KSR2: variants seen among roughly 807,000 people sequenced by gnomAD.
KSR2 encodes kinase suppressor of ras 2.
KSR2 carries 25 observed loss-of-function variants against 107.8 expected under a neutral mutation model. The observed-to-expected ratio is 0.23, with a 90% CI of 0.17 to 0.32. KSR2 has a LOEUF of 0.32. Among genes scored for constraint, KSR2 ranks in the 10% least tolerant of loss-of-function variants. The pLI is 1.00. For synonymous variants in KSR2, 480 were observed against 507.0 expected, an observed-to-expected ratio of 0.95 and a Z score of 0.71; for missense variants, 887 against 1,268.9, an observed-to-expected ratio of 0.70 and a Z score of 4.57.
intron 16 of KSR2, among the ~76,000 whole-genome samples, chr12:117,481,744 C>A (rs1872188877): frequency 6.6e-6 from 1 of 152,204 alleles, no homozygotes; most frequent in South Asian, 2.1e-4. Flanking sequence ...CTGCTTCCTG[C>A]AAAGCCCAAA....
chr12:117,738,661 G>C (rs530208800), intron 4 of KSR2, among the ~76,000 whole-genome samples: 144 of 151,990 alleles, frequency 9.5e-4, no homozygotes, highest in African/African-American at 3.3e-3. Context: ...GATTACTTGA[G>C]GTCAGGAGTT....
At chr12:117,592,974 A>AC (rs925449464) in intron 5 of KSR2, among the ~76,000 whole-genome samples, 4 of 152,006 alleles carry the variant, frequency 2.6e-5, no homozygotes, top group African/African-American at 9.6e-5. Context: ...TCCTGGCCCC[A>AC]CCCCCAAACC....
At chr12:117,634,898 T>C (rs1423032861) in intron 5 of KSR2, among the ~76,000 whole-genome samples, 1 of 152,158 alleles carries the variant, frequency 6.6e-6, no homozygotes, top group African/African-American at 2.4e-5. Context: ...AGAGAAGTTA[T>C]CCAGCCTAAG....
chr12:117,579,339 C>G, intron 6 of KSR2, 137 bp from the exon 7 acceptor site: 1 of 695,818 alleles, frequency 1.4e-6, no homozygotes, highest in South Asian at 1.6e-5. Flanking sequence ...GTGACTTAAT[C>G]AAGTTGCTTA....
chr12:117,507,096 C>T (rs1873742661), intron 14 of KSR2, among the ~76,000 whole-genome samples: 1 of 152,182 alleles, frequency 6.6e-6, no homozygotes, highest in African/African-American at 2.4e-5. Flanking sequence ...ACACTATTTG[C>T]CCCTCACATC....
intron 4 of KSR2, among the ~76,000 whole-genome samples, chr12:117,684,956 A>G (rs1388997333): frequency 1.3e-5 from 2 of 152,182 alleles, no homozygotes; most frequent in Non-Finnish European, 2.9e-5. Context: ...ACAGGTTGTC[A>G]ATTTCAGGGT....
intron 3 of KSR2, among the ~76,000 whole-genome samples, chr12:117,773,241 T>C (rs7972142): frequency 0.56 from 85,454 of 152,014 alleles, 25,352 homozygotes; most frequent in East Asian, 0.76. Flanking sequence ...TCTTGTCATC[T>C]GTTTCTGGCA....
intron 5 of KSR2, among the ~76,000 whole-genome samples, chr12:117,633,470 CT>C (rs1882904900): frequency 6.6e-6 from 1 of 152,196 alleles, no homozygotes; most frequent in Admixed American, 6.5e-5. Flanking sequence ...AACCGTGTGC[CT>C]TAAAACAACA....
At position 117,453,050 on chromosome 12, in the gene KSR2, G is replaced by A. The variant is rs1870415551; in HGVS notation, c.*14149C>T. On this transcript the variant is annotated 3_prime_UTR_variant, in exon 20 of 20. Coordinates refer to ENST00000339824, the MANE Select transcript of KSR2 (RefSeq NM_173598.6). ...AGACCTGTCTTGGCAGTAGTGCAAT[G>A]CAGTAATTCTCAAATTTTTTATTGG... 1 of 152,622 alleles carries A rather than the reference G, an allele frequency of 6.6e-6. No individual in the cohort carries two copies. Among genetic ancestry groups the A allele is most frequent in the African/African-American group, 2.4e-5 (1 of 41,442 alleles). The allele number at this position is 152,622 out of a possible 1,614,324, so 9.5% of individuals were successfully genotyped here. A position where few individuals can be genotyped will look rare whatever the true frequency, so the allele number is the denominator to read the frequency against.
At chr12:117,893,954 G>A (rs1566070792) in intron 1 of KSR2, among the ~76,000 whole-genome samples, 2 of 142,298 alleles carry the variant, frequency 1.4e-5, no homozygotes. Context: ...CTGTCGCCCA[G>A]GCTAGAATGC....
At chr12:117,878,319 AC>A (rs1298896230) in intron 1 of KSR2, among the ~76,000 whole-genome samples, 1 of 151,994 alleles carries the variant, frequency 6.6e-6, no homozygotes, top group Admixed American at 6.6e-5. Context: ...ACTGGTCACC[AC>A]CCCACATAAC....
intron 5 of KSR2, among the ~76,000 whole-genome samples, chr12:117,615,214 T>TACACAC (rs57116320): frequency 5.1e-4 from 76 of 147,916 alleles, no homozygotes; most frequent in Non-Finnish European, 7.3e-4. Flanking sequence ...TCTCTTCAGT[T>TACACAC]ACACACACAC....
chr12:117,819,607 C>CA (rs201246442), intron 3 of KSR2, among the ~76,000 whole-genome samples: 1,915 of 151,404 alleles, frequency 0.013, 34 homozygotes, highest in African/African-American at 0.043. Flanking sequence ...GTTAAGCTGT[C>CA]AAAAAAAATC....
intron 4 of KSR2, among the ~76,000 whole-genome samples, chr12:117,701,932 T>A (rs1886341429): frequency 6.6e-6 from 1 of 152,216 alleles, no homozygotes; most frequent in South Asian, 2.1e-4. Flanking sequence ...AAAAAATTTC[T>A]ATTGCTTTCA....
In KSR2 at chr12:117,454,676, A is replaced by T. The variant is rs1243838886; in HGVS notation, c.*12523T>A. ...CCCTCAGTGTAGGGTCTTTCCATAAATACATTTCCACGTTCACACATGTCC... is the reference window on the plus strand; with the variant it reads ...CCCTCAGTGTAGGGTCTTTCCATAATTACATTTCCACGTTCACACATGTCC... On this transcript the variant is annotated 3_prime_UTR_variant, in exon 20 of 20. Coordinates refer to ENST00000339824, the MANE Select transcript of KSR2 (RefSeq NM_173598.6). The T allele has an allele frequency of 6.6e-6, 1 of 152,168 alleles. No individual in the cohort carries two copies. Among genetic ancestry groups the T allele is most frequent in the Non-Finnish European group, 1.5e-5 (1 of 68,048 alleles). The allele number at this position is 152,168 out of a possible 1,614,324, so 9.4% of individuals were successfully genotyped here.
intron 2 of KSR2, 68 bp from the exon 3 acceptor site, chr12:117,855,646 T>C (rs1481600378): frequency 6.7e-7 from 1 of 1,500,706 alleles, no homozygotes; most frequent in Non-Finnish European, 9.2e-7. Context: ...CGCTGCCCTG[T>C]AGTGGTGCCT....
intron 16 of KSR2, among the ~76,000 whole-genome samples, chr12:117,476,946 G>A (rs1871822399): frequency 6.6e-6 from 1 of 151,768 alleles, no homozygotes; most frequent in African/African-American, 2.4e-5. Context: ...TGCTCCTGGG[G>A]AAATATGTAC....
In KSR2 at chr12:117,467,219, A is replaced by G; in HGVS notation, c.2847-14T>C. On this transcript the variant is annotated splice_polypyrimidine_tract_variant and intron_variant, in intron 19 of 19. Transcript: ENST00000339824. Reference sequence around the variant, plus strand: ...AAAGGTCACAGCCTGGAGTGGGGAGAGAAGGGAGAGAGTGGTGAGAGGTCA... The same window carrying G: ...AAAGGTCACAGCCTGGAGTGGGGAGGGAAGGGAGAGAGTGGTGAGAGGTCA... 1 of 732,278 alleles carries G rather than the reference A, an allele frequency of 1.4e-6. No homozygotes were observed. Among genetic ancestry groups the G allele is most frequent in the African/African-American group, 1.8e-5 (1 of 56,030 alleles). The allele number at this position is 732,278 out of a possible 1,614,324, so 45.4% of individuals were successfully genotyped here.
intron 3 of KSR2, among the ~76,000 whole-genome samples, chr12:117,830,926 T>C (rs1566036766): frequency 1.3e-5 from 2 of 152,112 alleles, no homozygotes; most frequent in Non-Finnish European, 2.9e-5. Context: ...GAAAATTAGC[T>C]CAAAGGAAAA....
Sources: allele counts gnomAD v4.1 joint callset (sites outside exome capture counted in the v4.1 genomes callset), GRCh38; gene constraint gnomAD v4.1.1; transcripts MANE v1.5; gene names NCBI Gene and HGNC (gene_info 2026-07-23, HGNC 2026-07-21).